Variants in THSD7B observed in about 807,000 individuals in gnomAD.
THSD7B encodes thrombospondin type 1 domain containing 7B.
THSD7B carries 138 observed loss-of-function variants against 213.6 expected under a neutral mutation model. That is an observed-to-expected ratio of 0.65 (90% CI 0.56 to 0.74). The LOEUF (loss-of-function observed/expected upper bound fraction) is 0.74. Ranked by LOEUF, THSD7B falls within the 30% of genes least tolerant of loss-of-function variation. The pLI is 0.00. For missense variants in THSD7B, 1,931 were observed against 1,991.5 expected, an observed-to-expected ratio of 0.97 and a Z score of 0.58; for synonymous variants, 742 against 687.0, an observed-to-expected ratio of 1.08 and a Z score of -1.25.
At chr2:136,947,794 T>G (rs2105068241) in intron 2 of THSD7B, among the ~76,000 whole-genome samples, 1 of 152,188 alleles carries the variant, frequency 6.6e-6, no homozygotes, top group Non-Finnish European at 1.5e-5. Flanking sequence ...TGCCTCTGCA[T>G]TTAATGATTG....
intron 10 of THSD7B, among the ~76,000 whole-genome samples, chr2:137,243,805 A>G (rs142387041): frequency 6.3e-4 from 96 of 152,354 alleles, no homozygotes; most frequent in African/African-American, 2.3e-3. Flanking sequence ...AAAGTTTTAT[A>G]ACTATGGCAT....
chr2:137,063,943 C>A (rs1379546020), intron 3 of THSD7B, among the ~76,000 whole-genome samples: 2 of 152,040 alleles, frequency 1.3e-5, no homozygotes, highest in African/African-American at 4.8e-5. Flanking sequence ...GCTTCCAAAT[C>A]TTGACTATTG....
intron 10 of THSD7B, among the ~76,000 whole-genome samples, chr2:137,254,779 A>T (rs918481064): frequency 6.6e-6 from 1 of 152,122 alleles, no homozygotes; most frequent in South Asian, 2.1e-4. Context: ...TTTCTACCCC[A>T]AGTAAATTGT....
intron 20 of THSD7B, among the ~76,000 whole-genome samples, chr2:137,640,928 T>C (rs1682927229): frequency 6.6e-6 from 1 of 152,234 alleles, no homozygotes; most frequent in Non-Finnish European, 1.5e-5. Flanking sequence ...CCTAGTTTTC[T>C]TCAAGGATAC....
chr2:137,088,608 TA>T (rs55700826), intron 3 of THSD7B, among the ~76,000 whole-genome samples: 12,283 of 141,058 alleles, frequency 0.087, 707 homozygotes, highest in African/African-American at 0.17. Context: ...GCAAATGCAA[TA>T]AAAAAAAAAA....
chr2:136,904,651 T>A (rs899606843), intron 2 of THSD7B, among the ~76,000 whole-genome samples: 13 of 152,190 alleles, frequency 8.5e-5, no homozygotes, highest in African/African-American at 3.1e-4. Flanking sequence ...GGATAGCTGG[T>A]GCTGAGCTTA....
At chr2:137,163,696 A>G (rs1680063403) in intron 6 of THSD7B, among the ~76,000 whole-genome samples, 1 of 152,200 alleles carries the variant, frequency 6.6e-6, no homozygotes, top group South Asian at 2.1e-4. Context: ...ATTTCTATTG[A>G]TTTAAGCTAC....
chr2:137,551,234 C>G (rs918133258), intron 15 of THSD7B, among the ~76,000 whole-genome samples: 1 of 151,982 alleles, frequency 6.6e-6, no homozygotes, highest in African/African-American at 2.4e-5. Flanking sequence ...TAAATTTCTT[C>G]TCTTCTTTAT....
At position 136,835,901 on chromosome 2, in the gene THSD7B, G is replaced by A. The variant is rs540102518; in HGVS notation, c.-35-46243G>A. On this transcript the variant is annotated intron_variant, in intron 1 of 27. Transcript: ENST00000409968. Reference sequence around the variant, plus strand: ...TTGCATAAAGACAGAGAAAATGACTGAGAATTAATGTCTGTTTATTTTTGC... The same window carrying A: ...TTGCATAAAGACAGAGAAAATGACTAAGAATTAATGTCTGTTTATTTTTGC... Among the ~76,000 whole-genome samples the A allele has an allele frequency of 3.9e-5, 6 of 152,256 alleles. No individual in the cohort carries two copies. The South Asian group carries it at 1.2e-3, about 32-fold the overall frequency.
chr2:137,616,077 C>A, intron 17 of THSD7B, 98 bp from the exon 18 acceptor site: 1 of 1,221,292 alleles, frequency 8.2e-7, no homozygotes, highest in Non-Finnish European at 1.1e-6. Flanking sequence ...AATCTATTCC[C>A]TATATTGTTA....
intron 4 of THSD7B, among the ~76,000 whole-genome samples, chr2:137,095,755 G>A (rs1688028952): frequency 6.6e-6 from 1 of 152,118 alleles, no homozygotes; most frequent in Non-Finnish European, 1.5e-5. Flanking sequence ...GAGTGCAATG[G>A]TGTGATTATG....
At chr2:137,538,645 G>A (rs1680551856) in intron 15 of THSD7B, among the ~76,000 whole-genome samples, 2 of 151,648 alleles carry the variant, frequency 1.3e-5, no homozygotes, top group Admixed American at 6.6e-5. Flanking sequence ...TCCCATAGAA[G>A]AGTCACTTTC....
At chr2:137,500,746 T>C (rs1396452052) in intron 15 of THSD7B, among the ~76,000 whole-genome samples, 1 of 152,214 alleles carries the variant, frequency 6.6e-6, no homozygotes, top group Non-Finnish European at 1.5e-5. Context: ...ATATTTCATT[T>C]TGTTTATGCA....
At chr2:137,135,732 A>G (rs1267891452) in intron 5 of THSD7B, among the ~76,000 whole-genome samples, 2 of 152,140 alleles carry the variant, frequency 1.3e-5, no homozygotes, top group Non-Finnish European at 2.9e-5. Flanking sequence ...AGACTCAGTC[A>G]CTCAGTCTCT....
At chr2:136,770,153 A>C (rs1023965019) in intron 1 of THSD7B, among the ~76,000 whole-genome samples, 2 of 152,218 alleles carry the variant, frequency 1.3e-5, no homozygotes, top group African/African-American at 2.4e-5. Flanking sequence ...ACTTCGTGGC[A>C]GTTAGGCACG....
intron 12 of THSD7B, among the ~76,000 whole-genome samples, chr2:137,303,718 A>ATATATATTTTTATATATATT (rs1553437359): frequency 4.4e-5 from 5 of 114,458 alleles, no homozygotes; most frequent in African/African-American, 1.7e-4. Flanking sequence ...ATATATATTT[A>ATATATATTTTTATATATATT]TATATATATT....
intron 1 of THSD7B, among the ~76,000 whole-genome samples, chr2:136,845,423 C>T (rs540395030): frequency 1.3e-5 from 2 of 152,296 alleles, no homozygotes; most frequent in Admixed American, 1.3e-4. Context: ...TTCTTTTTAA[C>T]TTTGCAGCAT....
At chr2:137,309,097 T>G (rs924753613) in intron 12 of THSD7B, among the ~76,000 whole-genome samples, 3 of 152,250 alleles carry the variant, frequency 2.0e-5, no homozygotes, top group African/African-American at 7.2e-5. Context: ...CATCATATCA[T>G]TTTATTTTTC....
intron 2 of THSD7B, among the ~76,000 whole-genome samples, chr2:136,936,057 A>G (rs1684721109): frequency 6.6e-6 from 1 of 151,132 alleles, no homozygotes; most frequent in African/African-American, 2.4e-5. Flanking sequence ...TAACAGCTTT[A>G]TTGATATAAA....
Sources: gnomAD v4.1 joint callset for allele counts (sites outside exome capture counted in the v4.1 genomes callset) on GRCh38, gnomAD v4.1.1 for gene constraint, MANE v1.5 for transcripts, NCBI Gene and HGNC (gene_info 2026-07-23, HGNC 2026-07-21) for gene names.